The following ANGPT2 variants were observed in gnomAD, a reference collection of about 807,000 sequenced individuals.
The protein encoded by ANGPT2 is angiopoietin 2, also known as angiopoietin-2.
In ANGPT2, 28 loss-of-function variants were observed where a neutral mutation model predicts 62.9. The observed-to-expected ratio is 0.44, with a 90% CI of 0.33 to 0.61. The LOEUF (loss-of-function observed/expected upper bound fraction) is 0.61, where lower values mean the gene tolerates loss of function less well. Among genes scored for constraint, ANGPT2 ranks in the 20% least tolerant of loss-of-function variants. The pLI, the probability that ANGPT2 is intolerant of heterozygous loss-of-function variation, is 0.03. For synonymous variants in ANGPT2, 284 were observed against 207.8 expected, an observed-to-expected ratio of 1.37 and a Z score of -3.15; for missense variants, 727 against 594.9, an observed-to-expected ratio of 1.22 and a Z score of -2.31.
At chr8:6,556,999 G>A (rs1427598756) in intron 1 of ANGPT2, among the ~76,000 whole-genome samples, 1 of 152,122 alleles carries the variant, frequency 6.6e-6, no homozygotes, top group African/African-American at 2.4e-5. Context: ...CAACTTGCAT[G>A]GCTCCTGCCC....
At chr8:6,509,985 A>G (rs1563316671) in intron 7 of ANGPT2, among the ~76,000 whole-genome samples, 1 of 152,142 alleles carries the variant, frequency 6.6e-6, no homozygotes, top group Non-Finnish European at 1.5e-5. Context: ...TTTAAATCCC[A>G]AAGTGTAGTT....
intron 1 of ANGPT2, among the ~76,000 whole-genome samples, chr8:6,559,853 C>T (rs117464131): frequency 0.023 from 3,481 of 152,262 alleles, 63 homozygotes; most frequent in Non-Finnish European, 0.033. Flanking sequence ...TGTGTGCTAG[C>T]GATCATGAGT....
rs1352871081 is a variant in ANGPT2 at position 6,514,582 on chromosome 8, G to C, written c.1029+95C>G. On this transcript the variant is annotated intron_variant, in intron 6 of 8. Coordinates refer to ENST00000629816, the MANE Select transcript of ANGPT2 (RefSeq NM_001118887.2). ...TTTAAAAACCATGTCAAAAGTCATT[G>C]GTTAGTTTGGGATTGGTGGTTAAGG... 2.8e-6 allele frequency: 3 copies of C among 1,058,168 alleles called. No homozygotes were observed. The African/African-American group carries it at 4.7e-5, about 17-fold the overall frequency. The allele number at this position is 1,058,168 out of a possible 1,614,324, so 65.5% of individuals were successfully genotyped here.
Position 6,562,602 on chromosome 8 carries a change from G to A in ANGPT2, c.288+45C>T, listed in dbSNP as rs1393281523. 6.4e-6 allele frequency: 5 copies of A among 783,200 alleles called. No individual in the cohort carries two copies. The Admixed American group carries it at 1.6e-4, about 25-fold the overall frequency. The allele number at this position is 783,200 out of a possible 1,614,324, so 48.5% of individuals were successfully genotyped here. On this transcript the variant is annotated intron_variant, in intron 1 of 8. Coordinates refer to ENST00000629816, the MANE Select transcript of ANGPT2 (RefSeq NM_001118887.2). ...TTAAAACCTGAGCTGCTGCCAAGCT[G>A]ATCTTAATAGCATGTTCACAAAGAC...
chr8:6,505,284 A>ACATAGAGT (rs1813174564), intron 8 of ANGPT2, among the ~76,000 whole-genome samples: 1 of 32,656 alleles, frequency 3.1e-5, no homozygotes, highest in African/African-American at 1.3e-4. Context: ...ATACATATAT[A>ACATAGAGT]TGTTATATAC....
At chr8:6,509,351 A>T (rs1240700372) in intron 7 of ANGPT2, among the ~76,000 whole-genome samples, 1 of 152,202 alleles carries the variant, frequency 6.6e-6, no homozygotes, top group Non-Finnish European at 1.5e-5. Context: ...CTGCTTTCAG[A>T]TAAACAGAAG....
At chr8:6,546,800 C>T (rs1269250480) in intron 1 of ANGPT2, among the ~76,000 whole-genome samples, 1 of 152,172 alleles carries the variant, frequency 6.6e-6, no homozygotes, top group Non-Finnish European at 1.5e-5. Context: ...CCAAGTATTG[C>T]CTTTAATTGT....
chr8:6,502,168 T>G lies in ANGPT2; in HGVS notation c.*933A>C, dbSNP rs1223557249. 1 of 152,168 alleles carries G rather than the reference T, an allele frequency of 6.6e-6. No homozygotes were observed. Among genetic ancestry groups the G allele is most frequent in the Admixed American group, 6.5e-5 (1 of 15,280 alleles). 9.4% of individuals were successfully genotyped at this position (152,168 alleles called of 1,614,324 possible). On this transcript the variant is annotated 3_prime_UTR_variant, in exon 9 of 9. Coordinates refer to ENST00000629816, the MANE Select transcript of ANGPT2 (RefSeq NM_001118887.2). ...AGAAGATAGTAAAGTTTCTTTGTCA[T>G]AGAATGAAATGTATAATTTTCCTCA...
chr8:6,548,192 G>A (rs2515492), intron 1 of ANGPT2, among the ~76,000 whole-genome samples: 151,300 of 152,182 alleles, frequency 0.99, 75,218 homozygotes, highest in Middle Eastern at 1. Flanking sequence ...GAGGCGGCAC[G>A]CTTTGACTTT....
chr8:6,527,074 C>A (rs942859022), intron 3 of ANGPT2, among the ~76,000 whole-genome samples: 2 of 152,150 alleles, frequency 1.3e-5, no homozygotes, highest in Admixed American at 6.5e-5. Context: ...AAGCTAAGTC[C>A]CCAAGGGCAA....
chr8:6,557,878 G>T (rs1226136582), intron 1 of ANGPT2, among the ~76,000 whole-genome samples: 1 of 152,090 alleles, frequency 6.6e-6, no homozygotes, highest in Non-Finnish European at 1.5e-5. Context: ...CCACAAAGCT[G>T]ACCAGGCCCT....
At chr8:6,554,222 T>C (rs1824177922) in intron 1 of ANGPT2, among the ~76,000 whole-genome samples, 1 of 149,980 alleles carries the variant, frequency 6.7e-6, no homozygotes, top group Non-Finnish European at 1.5e-5. Context: ...AACATGGGAG[T>C]AAGTGTGACA....
chr8:6,560,453 T>G (rs771294919), intron 1 of ANGPT2, among the ~76,000 whole-genome samples: 1 of 152,208 alleles, frequency 6.6e-6, no homozygotes, highest in Non-Finnish European at 1.5e-5. Context: ...GAGGTTACAT[T>G]TAATCACTTT....
Position 6,527,584 on chromosome 8 carries a change from A to C in ANGPT2, c.537T>G (p.Ser179Arg). Residue 179 changes from serine to arginine, a missense_variant, in exon 3 of 9, where the codon AGT becomes AGG. By Grantham distance (110) the Ser-to-Arg change is moderately radical. Transcript: ENST00000629816. Reference protein sequence around the residue: ...KLEKQILDQTSEINKLQDKNS... With the variant: ...KLEKQILDQTREINKLQDKNS... ...TCTTATCTTGCAATTTGTTTATTTC[A>C]CTGGTCTGGTCCAAAATCTGTTTTT... 1 of 1,613,898 alleles carries C rather than the reference A, an allele frequency of 6.2e-7. No individual in the cohort carries two copies. The highest frequency in any genetic ancestry group is 8.5e-7 in the Non-Finnish European group (1 of 1,179,936).
rs1330076020 is a variant in ANGPT2 at position 6,501,952 on chromosome 8, A to C, written c.*1149T>G. The C allele has an allele frequency of 6.7e-6, 1 of 148,858 alleles. No homozygotes were observed. The highest frequency in any genetic ancestry group is 1.5e-5 in the Non-Finnish European group (1 of 67,296). 9.2% of individuals were successfully genotyped at this position (148,858 alleles called of 1,614,324 possible). ...CCCTTTTTTTTTTTTCAGTTTGCTG[A>C]TTGACATAAAAAAACTTACTAGTGT... On this transcript the variant is annotated 3_prime_UTR_variant, in exon 9 of 9. Coordinates refer to ENST00000629816, the MANE Select transcript of ANGPT2 (RefSeq NM_001118887.2).
intron 1 of ANGPT2, among the ~76,000 whole-genome samples, chr8:6,550,335 G>T (rs1823411102): frequency 6.6e-6 from 1 of 152,182 alleles, no homozygotes; most frequent in African/African-American, 2.4e-5. Context: ...TGGGAGTGAG[G>T]CAGTGTGGCG....
intron 2 of ANGPT2, among the ~76,000 whole-genome samples, chr8:6,528,313 G>T (rs1179475098): frequency 6.6e-6 from 1 of 152,178 alleles, no homozygotes; most frequent in Non-Finnish European, 1.5e-5. Flanking sequence ...AGACAAGTAG[G>T]AGTATAAAAT....
intron 8 of ANGPT2, chr8:6,507,596 G>C (rs1387006293): frequency 2.0e-5 from 1 of 50,442 alleles, no homozygotes; most frequent in South Asian, 6.7e-4. Context: ...TTTTTTTTTT[G>C]AGTGAATTCT....
rs1034325286 is a variant in ANGPT2 at position 6,527,892 on chromosome 8, C to T, written c.445-216G>A. Among the ~76,000 whole-genome samples, 4 of 120,248 alleles carry T rather than the reference C, an allele frequency of 3.3e-5. No homozygotes were observed. In the East Asian group the frequency reaches 7.2e-4, roughly 22 times the overall value. The allele number at this position is 120,248 out of a possible 152,430, so 78.9% of individuals were successfully genotyped here. ...TTAAACCTTTTTACTCTTTTCCCCA[C>T]GTCTCTATTTTTTTTTTTTTTGAGA... On this transcript the variant is annotated intron_variant, in intron 2 of 8. Transcript: ENST00000629816.
Sources: allele counts gnomAD v4.1 joint callset (sites outside exome capture counted in the v4.1 genomes callset), GRCh38; gene constraint gnomAD v4.1.1; transcripts MANE v1.5; gene names NCBI Gene and HGNC (gene_info 2026-07-23, HGNC 2026-07-21).